The following RARB variants were observed in gnomAD, a reference collection of about 807,000 sequenced individuals.
The protein encoded by RARB is retinoic acid receptor beta.
A neutral mutation model predicts 51.9 loss-of-function variants in RARB; 17 were observed. The observed-to-expected ratio is 0.33, with a 90% confidence interval of 0.22 to 0.49. The LOEUF (loss-of-function observed/expected upper bound fraction) is 0.49, where lower values mean the gene tolerates loss of function less well. RARB is among the 20% of genes least tolerant of loss of function. The probability of loss-of-function intolerance (pLI) is 0.99; values close to 1 mark genes in which losing one functional copy is unlikely to be tolerated. For synonymous variants in RARB, 215 were observed against 195.4 expected, an observed-to-expected ratio of 1.10 and a Z score of -0.84; for missense variants, 369 against 550.8, an observed-to-expected ratio of 0.67 and a Z score of 3.30.
chr3:24,989,774 C>CTTTTTT lies in RARB; in HGVS notation c.-379-70320_-379-70315dup, dbSNP rs769275874. Among the ~76,000 whole-genome samples the CTTTTTT allele has an allele frequency of 2.4e-4, 7 of 29,532 alleles. 3 individuals carry two copies. The highest frequency in any genetic ancestry group is 4.3e-4 in the Non-Finnish European group (7 of 16,226). The allele number at this position is 29,532 out of a possible 152,430, so 19.4% of individuals were successfully genotyped here. A position where few individuals can be genotyped will look rare whatever the true frequency, so the allele number is the denominator to read the frequency against. ...ATTTTAACTGTTGTCATATGTTTTTCTTTTTTTTTTTTTTTTTTTTTTTTT... is the reference window on the plus strand; with the variant it reads ...ATTTTAACTGTTGTCATATGTTTTTCTTTTTTTTTTTTTTTTTTTTTTTTTTTTTTT... On this transcript the variant is annotated intron_variant, in intron 2 of 11. Transcript: ENST00000383772.
chr3:25,341,569 CTG>C (rs1040989044), intron 5 of RARB, among the ~76,000 whole-genome samples: 27 of 152,096 alleles, frequency 1.8e-4, no homozygotes, highest in Non-Finnish European at 1.3e-4. Flanking sequence ...TGACTTCTCT[CTG>C]TGGTGTGACT....
chr3:25,279,532 T>C (rs537401742), intron 5 of RARB, among the ~76,000 whole-genome samples: 22 of 151,352 alleles, frequency 1.5e-4, no homozygotes, highest in African/African-American at 4.9e-4. Context: ...TGTACAAAAA[T>C]AGATTCCAAA....
intron 5 of RARB, among the ~76,000 whole-genome samples, chr3:25,413,237 G>A (rs1376606174): frequency 6.6e-6 from 1 of 150,712 alleles, no homozygotes; most frequent in Admixed American, 6.6e-5. Flanking sequence ...TGTACTTTTT[G>A]TGTATTTTTG....
intron 3 of RARB, among the ~76,000 whole-genome samples, chr3:25,566,932 C>T (rs1300729110): frequency 6.6e-6 from 1 of 152,168 alleles, no homozygotes; most frequent in East Asian, 1.9e-4. Flanking sequence ...CCCACCTCAC[C>T]TGGCTTACTG....
intron 2 of RARB, among the ~76,000 whole-genome samples, chr3:24,911,240 T>C (rs765606439): frequency 1.3e-5 from 2 of 152,172 alleles, no homozygotes; most frequent in African/African-American, 2.4e-5. Context: ...TAAAAGAGAA[T>C]TAGAATTCTT....
chr3:25,500,451 C>CTTTTTTTTTTTTTTTTTTTTTTTTTTTT (rs1553624117), intron 2 of RARB, among the ~76,000 whole-genome samples: 2 of 49,936 alleles, frequency 4.0e-5, no homozygotes, highest in African/African-American at 8.4e-5. Flanking sequence ...TCTTTCTTTT[C>CTTTTTTTTTTTTTTTTTTTTTTTTTTTT]TTGTTTTTTT....
intron 5 of RARB, among the ~76,000 whole-genome samples, chr3:25,412,154 T>C (rs1575381730): frequency 6.6e-6 from 1 of 152,192 alleles, no homozygotes; most frequent in South Asian, 2.1e-4. Context: ...GTGCTTCATT[T>C]TGGGGACTGG....
intron 5 of RARB, among the ~76,000 whole-genome samples, chr3:25,203,555 T>C (rs184584271): frequency 2.0e-5 from 3 of 152,364 alleles, no homozygotes; most frequent in Admixed American, 2.0e-4. Context: ...GGCATGTTTT[T>C]GCAGTGGCTG....
At chr3:25,024,797 A>G (rs1697708240) in intron 2 of RARB, among the ~76,000 whole-genome samples, 1 of 151,994 alleles carries the variant, frequency 6.6e-6, no homozygotes, top group Non-Finnish European at 1.5e-5. Flanking sequence ...TACTAAAAAT[A>G]CAAAAATTGG....
At chr3:25,229,894 C>T (rs562471024) in intron 5 of RARB, among the ~76,000 whole-genome samples, 2 of 152,212 alleles carry the variant, frequency 1.3e-5, no homozygotes, top group East Asian at 3.9e-4. Context: ...CCAACTGAAG[C>T]TCATCCTCTC....
Position 25,087,728 on chromosome 3 carries a change from C to T in RARB, c.-328+27552C>T, listed in dbSNP as rs573523688. ...CAAGTACATACATGTTTTACAGGTA[C>T]GAACAATTTTTGGCAGTAAAAGAGA... On this transcript the variant is annotated intron_variant, in intron 3 of 11. Transcript: ENST00000383772. 5.9e-5 allele frequency among the ~76,000 whole-genome samples: 9 copies of T among 151,994 alleles called. No individual in the cohort carries two copies. The South Asian group carries it at 6.2e-4, about 11-fold the overall frequency.
At chr3:25,118,329 T>C (rs1169650063) in intron 3 of RARB, among the ~76,000 whole-genome samples, 3 of 152,124 alleles carry the variant, frequency 2.0e-5, no homozygotes, top group Non-Finnish European at 4.4e-5. Flanking sequence ...CCTGATGTGG[T>C]CCAGATTTGT....
intron 5 of RARB, among the ~76,000 whole-genome samples, chr3:25,355,269 G>T (rs6550967): frequency 0.36 from 54,864 of 151,854 alleles, 10,513 homozygotes; most frequent in East Asian, 0.78. Flanking sequence ...CATCGGGCTG[G>T]TTGTTGTGGT....
intron 2 of RARB, among the ~76,000 whole-genome samples, chr3:24,892,259 C>G (rs1033923789): frequency 6.6e-6 from 1 of 150,692 alleles, no homozygotes; most frequent in African/African-American, 2.4e-5. Flanking sequence ...CATTCCCTCT[C>G]TGCTCGACCT....
chr3:25,427,411 A>T (rs1183205048), upstream of RARB, among the ~76,000 whole-genome samples: 1 of 152,214 alleles, frequency 6.6e-6, no homozygotes, highest in Non-Finnish European at 1.5e-5. Context: ...GAAGTTAAAT[A>T]CTTATCCCAG....
intron 4 of RARB, among the ~76,000 whole-genome samples, chr3:25,137,547 A>G (rs1202361881): frequency 1.3e-5 from 2 of 152,114 alleles, no homozygotes; most frequent in Non-Finnish European, 2.9e-5. Context: ...ATTTTAGTAG[A>G]AAATTTTCTT....
chr3:25,591,279 C>A (rs1701600703), intron 5 of RARB, among the ~76,000 whole-genome samples: 1 of 152,202 alleles, frequency 6.6e-6, no homozygotes, highest in Admixed American at 6.5e-5. Context: ...TATCTCTCTA[C>A]CACCCCTCCC....
At chr3:25,166,130 C>T (rs73050358) in intron 4 of RARB, among the ~76,000 whole-genome samples, 12,889 of 151,990 alleles carry the variant, frequency 0.085, 720 homozygotes, top group Non-Finnish European at 0.13. Flanking sequence ...CTCCTTTATT[C>T]CCAAATTAAA....
intron 3 of RARB, among the ~76,000 whole-genome samples, chr3:25,557,549 CT>C (rs749785966): frequency 6.6e-6 from 1 of 152,056 alleles, no homozygotes; most frequent in Admixed American, 6.6e-5. Flanking sequence ...CTTTTTCCTC[CT>C]CCTTTGTTCC....
Sources: gnomAD v4.1 joint callset for allele counts (sites outside exome capture counted in the v4.1 genomes callset) on GRCh38, gnomAD v4.1.1 for gene constraint, MANE v1.5 for transcripts, NCBI Gene and HGNC (gene_info 2026-07-23, HGNC 2026-07-21) for gene names.